RAPGEF1: variants seen among roughly 807,000 people sequenced by gnomAD.
The protein encoded by RAPGEF1 is CRK SH3-binding GNRP.
RAPGEF1 carries 33 observed loss-of-function variants against 143.3 expected under a neutral mutation model. That is an observed-to-expected ratio of 0.23 (90% CI 0.17 to 0.31). The LOEUF is 0.31. Among genes scored for constraint, RAPGEF1 ranks in the 10% least tolerant of loss-of-function variants. The pLI is 1.00. For synonymous variants in RAPGEF1, 629 were observed against 676.5 expected (o/e 0.93, Z 1.09); for missense variants, 1,199 against 1,645.4 (o/e 0.73, Z 4.69).
At position 131,587,834 on chromosome 9, in the gene RAPGEF1, C is replaced by T. The variant is rs760193016; in HGVS notation, c.3139-4G>A. 6.2e-7 allele frequency: 1 copy of T among 1,613,204 alleles called. No individual in the cohort carries two copies. The highest frequency in any genetic ancestry group is 8.5e-7 in the Non-Finnish European group (1 of 1,179,504). ...CCCAAAGCAAAACCTCAGGAATCTA[C>T]AAAAGGAAAGAAGGCAGATGGAGGT... is the stretch of plus-strand genomic sequence containing the variant. On this transcript the variant is annotated splice_region_variant and splice_polypyrimidine_tract_variant and intron_variant, in intron 21 of 26. Coordinates refer to ENST00000683357, the MANE Select transcript of RAPGEF1 (RefSeq NM_001377935.1).
intron 5 of RAPGEF1, among the ~76,000 whole-genome samples, chr9:131,631,280 T>C (rs1964772797): frequency 1.3e-5 from 2 of 152,186 alleles, no homozygotes; most frequent in Admixed American, 6.5e-5. Context: ...TGTGTGACCA[T>C]CAACACAATC....
chr9:131,697,008 C>T (rs901017254), intron 1 of RAPGEF1, among the ~76,000 whole-genome samples: 7 of 152,172 alleles, frequency 4.6e-5, no homozygotes, highest in East Asian at 1.9e-4. Flanking sequence ...TTGAGGCTGA[C>T]GGAAATTAAG....
Position 131,621,806 on chromosome 9 carries a change from T to A in RAPGEF1, c.1895A>T (p.Gln632Leu). 1 of 1,605,796 alleles carries A rather than the reference T, an allele frequency of 6.2e-7. No individual in the cohort carries two copies. Among genetic ancestry groups the A allele is most frequent in the East Asian group, 2.2e-5 (1 of 44,510 alleles). ...GAAGGTGTCACTCACCAGCTGCCGCTGCTTGGGGGGTAGGGCGGGCGGCGG... is the reference window on the plus strand; with the variant it reads ...GAAGGTGTCACTCACCAGCTGCCGCAGCTTGGGGGGTAGGGCGGGCGGCGG... ...LAPPPALPPK[Q>L]RQLASCAASS... is the part of the protein sequence containing the mutation. The change falls in exon 11 of 27, where the codon CAG becomes CTG. Residue 632 changes from glutamine to leucine, a missense_variant. Coordinates refer to ENST00000683357, the MANE Select transcript of RAPGEF1 (RefSeq NM_001377935.1). The surrounding 1 kb of genome is among the most constrained non-coding windows in gnomAD (Gnocchi z 4.5).
At chr9:131,684,821 A>G (rs1472087931) in intron 1 of RAPGEF1, among the ~76,000 whole-genome samples, 1 of 152,258 alleles carries the variant, frequency 6.6e-6, no homozygotes, top group African/African-American at 2.4e-5. Context: ...ATCATGAGCC[A>G]GATGCCGAGG....
chr9:131,629,024 A>T (rs1435763907), intron 7 of RAPGEF1, 78 bp downstream of exon 7: 1 of 1,535,892 alleles, frequency 6.5e-7, no homozygotes, highest in Non-Finnish European at 8.8e-7. Context: ...GCTGAGGGGA[A>T]AGGGCCCGAG....
chr9:131,720,739 T>TA (rs1488608529), intron 1 of RAPGEF1, among the ~76,000 whole-genome samples: 1 of 152,118 alleles, frequency 6.6e-6, no homozygotes, highest in African/African-American at 2.4e-5. Context: ...ATCACTTGCA[T>TA]AAAAAATGAA....
intron 1 of RAPGEF1, among the ~76,000 whole-genome samples, chr9:131,723,880 T>C (rs535078919): frequency 2.2e-4 from 33 of 152,322 alleles, no homozygotes; most frequent in African/African-American, 7.5e-4. Flanking sequence ...GGCTGCACCA[T>C]TTTACAGTCC....
At chr9:131,680,808 CTA>C (rs1418367719) in intron 1 of RAPGEF1, among the ~76,000 whole-genome samples, 3 of 152,196 alleles carry the variant, frequency 2.0e-5, no homozygotes, top group Non-Finnish European at 2.9e-5. Context: ...CTTCACACCT[CTA>C]TATTTCTGTG....
chr9:131,699,660 C>T (rs1834482143), intron 1 of RAPGEF1, among the ~76,000 whole-genome samples: 1 of 152,164 alleles, frequency 6.6e-6, no homozygotes, highest in Non-Finnish European at 1.5e-5. Context: ...GAAGCCCCCT[C>T]TCTGCCTCCT....
intron 5 of RAPGEF1, 117 bp from the exon 6 acceptor site, chr9:131,630,441 T>C: frequency 2.1e-6 from 2 of 946,612 alleles, no homozygotes; most frequent in Non-Finnish European, 3.3e-6. Flanking sequence ...TGCCTACAGA[T>C]TCCCCACGCA....
chr9:131,582,701 C>G lies in RAPGEF1; in HGVS notation c.3416G>C (p.Gly1139Ala). ...GATCAGTGTGCAGTACTCGGCCAGG[C>G]CCTGGCAGGACAGGACAGGACAGGA... ...RLEWQKQTSEGLAEYCTLIDS... is the reference protein window; with the variant it reads ...RLEWQKQTSEALAEYCTLIDS... The change falls in exon 25 of 27, where the codon GGC becomes GCC. Residue 1139 changes from glycine (G) to alanine (A), a missense_variant and splice_region_variant. Transcript: ENST00000683357. 1 of 1,559,774 alleles carries G rather than the reference C, an allele frequency of 6.4e-7. No individual in the cohort carries two copies. Among genetic ancestry groups the G allele is most frequent in the South Asian group, 1.2e-5 (1 of 82,856 alleles).
chr9:131,736,377 C>T (rs1837417381), intron 1 of RAPGEF1, among the ~76,000 whole-genome samples: 1 of 152,206 alleles, frequency 6.6e-6, no homozygotes, highest in Non-Finnish European at 1.5e-5. Context: ...AGGCCCCCAC[C>T]AGCCCAGCAA....
At position 131,583,666 on chromosome 9, in the gene RAPGEF1, G is replaced by A. The variant is rs992124505; in HGVS notation, c.3414+645C>T. 1.3e-5 allele frequency among the ~76,000 whole-genome samples: 2 copies of A among 152,164 alleles called. No individual in the cohort carries two copies. The highest frequency in any genetic ancestry group is 4.8e-5 in the African/African-American group (2 of 41,428). On this transcript the variant is annotated intron_variant, in intron 24 of 26. Coordinates refer to ENST00000683357, the MANE Select transcript of RAPGEF1 (RefSeq NM_001377935.1). The surrounding 1 kb of genome is among the most constrained non-coding windows in gnomAD (Gnocchi z 4.7). Reference sequence around the variant, plus strand: ...TATTATTTCCCTACACAGGATAAAGGTCCAACTCCTCACCAGGCTCCTGAG... The same window carrying A: ...TATTATTTCCCTACACAGGATAAAGATCCAACTCCTCACCAGGCTCCTGAG...
chr9:131,615,323 C>T (rs1278990763), intron 12 of RAPGEF1, among the ~76,000 whole-genome samples: 2 of 152,222 alleles, frequency 1.3e-5, no homozygotes, highest in Non-Finnish European at 2.9e-5. Context: ...ATCCGCCCAC[C>T]TTGGCCTCCC....
At position 131,602,052 on chromosome 9, in the gene RAPGEF1, A is replaced by G. The variant is rs1196622038; in HGVS notation, c.2501+9T>C. On this transcript the variant is annotated intron_variant, in intron 15 of 26. Transcript: ENST00000683357. ...CGGGGGACCCAGCTCCTCTGGGTCC[A>G]CTTCCTACCTCTCACTGCCGTCTCT... 4 of 1,588,044 alleles carry G rather than the reference A, an allele frequency of 2.5e-6. No homozygotes were observed. Among genetic ancestry groups the G allele is most frequent in the Admixed American group, 3.5e-5 (2 of 56,458 alleles).
rs538799524 is a variant in RAPGEF1, at chr9:131,681,968, C to T, written c.62-31019G>A. Among the ~76,000 whole-genome samples the T allele has an allele frequency of 5.9e-5, 9 of 152,258 alleles. No homozygotes were observed. In the South Asian group the frequency reaches 1.9e-3, roughly 32 times the overall value. On this transcript the variant is annotated intron_variant, in intron 1 of 26. Coordinates refer to ENST00000683357, the MANE Select transcript of RAPGEF1 (RefSeq NM_001377935.1). ...TATTAGCTTTCGACAATGCTAATCCCGACTGCCAGGCTGCTCTGCGACCTA... is the reference window on the plus strand; with the variant it reads ...TATTAGCTTTCGACAATGCTAATCCTGACTGCCAGGCTGCTCTGCGACCTA...
intron 1 of RAPGEF1, among the ~76,000 whole-genome samples, chr9:131,694,813 T>TA (rs397939146): frequency 1.3e-5 from 2 of 149,958 alleles, no homozygotes; most frequent in Admixed American, 6.6e-5. Context: ...TTTTTTTTTT[T>TA]ATACTTTAAG....
intron 10 of RAPGEF1, among the ~76,000 whole-genome samples, chr9:131,624,903 C>G (rs1199507258): frequency 6.6e-6 from 1 of 152,236 alleles, no homozygotes; most frequent in Non-Finnish European, 1.5e-5. Flanking sequence ...CACTGAGGAG[C>G]TGGGGATACA....
intron 17 of RAPGEF1, among the ~76,000 whole-genome samples, chr9:131,593,688 C>T (rs183295829): frequency 5.4e-4 from 82 of 152,218 alleles, no homozygotes; most frequent in African/African-American, 1.9e-3. Flanking sequence ...CTGGGGGCTG[C>T]GTGGGGTGGG....
Sources: allele counts gnomAD v4.1 joint callset (sites outside exome capture counted in the v4.1 genomes callset), GRCh38; gene constraint gnomAD v4.1.1; non-coding constraint Gnocchi (gnomAD v3.1); transcripts MANE v1.5; gene names NCBI Gene and HGNC (gene_info 2026-07-23, HGNC 2026-07-21).